MS4A13: variants seen among roughly 807,000 people sequenced by gnomAD.
MS4A13 encodes membrane spanning 4-domains A13.
MS4A13 carries 21 observed loss-of-function variants against 18.4 expected under a neutral mutation model. That is an observed-to-expected ratio of 1.14 (90% CI 0.81 to 1.64). The LOEUF (loss-of-function observed/expected upper bound fraction) is 1.64, where lower values mean the gene tolerates loss of function less well. MS4A13 is among the 40% of genes most tolerant of loss of function. MS4A13 has a pLI of 0.00. For missense variants in MS4A13, 173 were observed against 176.8 expected (o/e 0.98, Z 0.12); for synonymous variants, 62 against 57.2 (o/e 1.08, Z -0.38).
rs752861141 is a variant in MS4A13, at chr11:60,529,460, G to C, written c.402G>C (p.Leu134Phe). The change falls in exon 6 of 7, where the codon TTG becomes TTC. Residue 134 changes from leucine to phenylalanine, a missense_variant and splice_region_variant. By Grantham distance (22) the Leu-to-Phe change is conservative. Transcript: ENST00000378186. ...LTHSIYSCSN[L>F]FRRQNDLTSV... ...ACTCAATATACAGCTGTTCCAATTTGGTAAGTGTTTACCCACTCTCTGGCA... is the reference window on the plus strand; with the variant it reads ...ACTCAATATACAGCTGTTCCAATTTCGTAAGTGTTTACCCACTCTCTGGCA... 3.2e-6 allele frequency: 5 copies of C among 1,576,042 alleles called. No homozygotes were observed. In the South Asian group the frequency reaches 4.6e-5, roughly 15 times the overall value.
At chr11:60,538,921 A>G (rs1174536289) in intron 6 of MS4A13, among the ~76,000 whole-genome samples, 3 of 130,984 alleles carry the variant, frequency 2.3e-5, no homozygotes, top group African/African-American at 8.6e-5. Flanking sequence ...ACATGCAAGG[A>G]CCAGAAAGAA....
intron 6 of MS4A13, among the ~76,000 whole-genome samples, chr11:60,538,860 T>C (rs2086833691): frequency 1.5e-5 from 2 of 132,056 alleles, no homozygotes; most frequent in African/African-American, 5.7e-5. Context: ...ATTTGAATCA[T>C]GATAAGGGTT....
chr11:60,532,119 T>C (rs1048271904), intron 6 of MS4A13, among the ~76,000 whole-genome samples: 1 of 152,246 alleles, frequency 6.6e-6, no homozygotes, highest in Non-Finnish European at 1.5e-5. Flanking sequence ...GAATAAATGT[T>C]GGACTTAACA....
At chr11:60,518,810 G>A (rs1394576982) in intron 3 of MS4A13, among the ~76,000 whole-genome samples, 1 of 152,214 alleles carries the variant, frequency 6.6e-6, no homozygotes, top group Non-Finnish European at 1.5e-5. Context: ...CAGTGGAATT[G>A]TGAAGCAAAA....
intron 5 of MS4A13, among the ~76,000 whole-genome samples, 187 bp from the exon 6 acceptor site, chr11:60,529,178 G>T (rs1169326529): frequency 6.6e-6 from 1 of 151,710 alleles, no homozygotes; most frequent in Non-Finnish European, 1.5e-5. Flanking sequence ...GCTAGGGAAA[G>T]TGTAGCAGAG....
intron 6 of MS4A13, among the ~76,000 whole-genome samples, chr11:60,531,788 C>A (rs2086768839): frequency 6.6e-6 from 1 of 152,176 alleles, no homozygotes; most frequent in Non-Finnish European, 1.5e-5. Context: ...GTGTCCTAGT[C>A]TCTTCTAAGC....
intron 6 of MS4A13, among the ~76,000 whole-genome samples, chr11:60,538,423 T>G (rs1044843411): frequency 1.3e-5 from 2 of 151,718 alleles, no homozygotes; most frequent in Middle Eastern, 3.4e-3. Context: ...TTTTAAATGT[T>G]TTCATCACAA....
At chr11:60,540,116 G>C (rs1320983630) in intron 6 of MS4A13, among the ~76,000 whole-genome samples, 3 of 152,086 alleles carry the variant, frequency 2.0e-5, no homozygotes, top group African/African-American at 4.8e-5. Flanking sequence ...AATTGCATTG[G>C]GCTCACCCAG....
chr11:60,535,331 A>G (rs1275927845), intron 6 of MS4A13, among the ~76,000 whole-genome samples: 1 of 41,288 alleles, frequency 2.4e-5, no homozygotes, highest in Non-Finnish European at 4.1e-5. Context: ...ATAAAAAATG[A>G]TAAAGGGGAT....
At chr11:60,530,010 T>C (rs904762735) in intron 6 of MS4A13, among the ~76,000 whole-genome samples, 4 of 152,230 alleles carry the variant, frequency 2.6e-5, no homozygotes, top group East Asian at 1.9e-4. Context: ...ACTAATTCTT[T>C]AGGTGTTTGA....
intron 6 of MS4A13, among the ~76,000 whole-genome samples, chr11:60,541,513 T>A (rs1350073842): frequency 6.6e-6 from 1 of 152,136 alleles, no homozygotes; most frequent in African/African-American, 2.4e-5. Context: ...AAAGAATGCA[T>A]ACTTGTAAAA....
At chr11:60,519,220 C>T (rs566905490) in intron 3 of MS4A13, among the ~76,000 whole-genome samples, 37 of 152,174 alleles carry the variant, frequency 2.4e-4, no homozygotes, top group Admixed American at 4.6e-4. Flanking sequence ...GGATTTTCAC[C>T]GCTGGAGATG....
chr11:60,517,812 A>C (rs1565209521), intron 2 of MS4A13, among the ~76,000 whole-genome samples: 2 of 152,164 alleles, frequency 1.3e-5, no homozygotes, highest in Non-Finnish European at 2.9e-5. Context: ...CAAACTGTTA[A>C]CTTACAGGAG....
chr11:60,522,239 G>T (rs61900773), intron 3 of MS4A13, among the ~76,000 whole-genome samples: 73,009 of 133,532 alleles, frequency 0.55, 21,121 homozygotes, highest in South Asian at 0.62. Flanking sequence ...TAGATAGATA[G>T]ATGTATATAT....
chr11:60,526,557 C>T (rs915768960), intron 5 of MS4A13, among the ~76,000 whole-genome samples: 5 of 152,194 alleles, frequency 3.3e-5, no homozygotes, highest in Admixed American at 6.5e-5. Context: ...ACAAGTTCAG[C>T]ACAAGTTTGC....
intron 3 of MS4A13, among the ~76,000 whole-genome samples, chr11:60,518,865 TACAG>T: frequency 6.6e-6 from 1 of 152,270 alleles, no homozygotes; most frequent in Non-Finnish European, 1.5e-5. Context: ...AGAGAGGAAT[TACAG>T]ACAGCAAACA....
rs184966569 is a variant in MS4A13 at position 60,527,744 on chromosome 11, G to A, written c.307-1621G>A. On this transcript the variant is annotated intron_variant, in intron 5 of 6. Transcript: ENST00000378186. Reference sequence around the variant, plus strand: ...CCAGCTACTCCGGAGGCTAAGGCACGAGAATCGCTTGAACCCAGGAGGCAG... The same window carrying A: ...CCAGCTACTCCGGAGGCTAAGGCACAAGAATCGCTTGAACCCAGGAGGCAG... Among the ~76,000 whole-genome samples the A allele has an allele frequency of 1.7e-3, 258 of 152,122 alleles. 3 individuals carry two copies. The highest frequency in any genetic ancestry group is 6.0e-3 in the African/African-American group (247 of 41,476).
At chr11:60,543,314 C>A (rs115582773), downstream of MS4A13, among the ~76,000 whole-genome samples, 734 of 152,200 alleles carry the variant, frequency 4.8e-3, 2 homozygotes, top group African/African-American at 0.017. Context: ...ACACTGCAAA[C>A]TAAGGTTACT....
chr11:60,526,199 T>A (rs1263966472), intron 5 of MS4A13, among the ~76,000 whole-genome samples: 5 of 152,114 alleles, frequency 3.3e-5, no homozygotes, highest in Non-Finnish European at 7.4e-5. Flanking sequence ...AAAAATGCAC[T>A]AATACCCCAA....
Sources: gnomAD v4.1 joint callset for allele counts (sites outside exome capture counted in the v4.1 genomes callset) on GRCh38, gnomAD v4.1.1 for gene constraint, MANE v1.5 for transcripts, NCBI Gene and HGNC (gene_info 2026-07-23, HGNC 2026-07-21) for gene names.